CTNNA3: variants seen among roughly 807,000 people sequenced by gnomAD.
CTNNA3 encodes catenin alpha-3.
Under a neutral mutation model 95.7 loss-of-function variants are expected in CTNNA3, and 76 were observed. The ratio of observed to expected loss-of-function variants is 0.79; its 90% CI spans 0.66 to 0.96. CTNNA3 has a LOEUF of 0.96. Ranked by LOEUF, CTNNA3 falls within the 40% of genes least tolerant of loss-of-function variation. CTNNA3 has a pLI of 0.00. For missense variants in CTNNA3, 1,191 were observed against 1,089.8 expected, an observed-to-expected ratio of 1.09 and a Z score of -1.31; for synonymous variants, 431 against 374.4, an observed-to-expected ratio of 1.15 and a Z score of -1.74.
chr10:66,771,379 C>T (rs998923490), intron 8 of CTNNA3, among the ~76,000 whole-genome samples: 6 of 152,034 alleles, frequency 3.9e-5, no homozygotes, highest in African/African-American at 1.4e-4. Context: ...AAGTCTTCCT[C>T]CTTTTACTGA....
chr10:66,323,123 C>T (rs115710084), intron 12 of CTNNA3, among the ~76,000 whole-genome samples: 1,723 of 151,950 alleles, frequency 0.011, 29 homozygotes, highest in African/African-American at 0.04. Flanking sequence ...GACCACATTA[C>T]GGGGTCCCTT....
chr10:66,720,488 C>A (rs895970614), intron 9 of CTNNA3, among the ~76,000 whole-genome samples: 1 of 152,134 alleles, frequency 6.6e-6, no homozygotes, highest in Non-Finnish European at 1.5e-5. Flanking sequence ...TAGAGGAAGA[C>A]CCTTCTCTCT....
intron 5 of CTNNA3, among the ~76,000 whole-genome samples, chr10:67,293,644 T>C (rs1359254965): frequency 6.6e-6 from 1 of 150,806 alleles, no homozygotes; most frequent in Admixed American, 6.6e-5. Context: ...ATTAGGTATA[T>C]CTCCTAATGC....
chr10:67,580,464 T>G (rs1255691083), intron 3 of CTNNA3, among the ~76,000 whole-genome samples: 1 of 151,746 alleles, frequency 6.6e-6, no homozygotes, highest in East Asian at 1.9e-4. Flanking sequence ...ACTGTAGCCT[T>G]GTAATATAGT....
chr10:66,073,383 C>G (rs1287628622), intron 14 of CTNNA3, among the ~76,000 whole-genome samples: 3 of 152,134 alleles, frequency 2.0e-5, no homozygotes, highest in Non-Finnish European at 4.4e-5. Context: ...TGACTTCAGC[C>G]ATCACTGCTA....
intron 7 of CTNNA3, among the ~76,000 whole-genome samples, chr10:66,947,884 C>A (rs1456686509): frequency 6.6e-6 from 1 of 152,144 alleles, no homozygotes; most frequent in African/African-American, 2.4e-5. Context: ...GCAATTTTGT[C>A]ATTGTGCGAA....
intron 5 of CTNNA3, among the ~76,000 whole-genome samples, chr10:67,296,933 T>TC (rs1840058657): frequency 3.6e-5 from 1 of 27,842 alleles, no homozygotes; most frequent in South Asian, 1.7e-3. Context: ...AAACGCTGTC[T>TC]CAAAAAAAAA....
rs1252875789 is a variant in CTNNA3, at chr10:67,272,893, GATAA to G, written c.580-53027_580-53024del. Among the ~76,000 whole-genome samples, 3 of 152,106 alleles carry G rather than the reference GATAA, an allele frequency of 2.0e-5. No individual in the cohort carries two copies. In the East Asian group the frequency reaches 5.8e-4, roughly 29 times the overall value. The stretch of plus-strand genomic sequence containing the variant: ...ATCCCACAACACAATACCACTACTT[GATAA>G]ATAATTATTTATCACTCATCTGTCA... On this transcript the variant is annotated intron_variant, in intron 5 of 17. Transcript: ENST00000433211.
At chr10:67,612,857 AATCT>A (rs934764053) in intron 2 of CTNNA3, among the ~76,000 whole-genome samples, 1 of 152,120 alleles carries the variant, frequency 6.6e-6, no homozygotes, top group African/African-American at 2.4e-5. Context: ...CCCATTCACC[AATCT>A]ATCATTATGA....
intron 12 of CTNNA3, among the ~76,000 whole-genome samples, chr10:66,353,026 T>C (rs2092578956): frequency 6.6e-6 from 1 of 152,016 alleles, no homozygotes; most frequent in South Asian, 2.1e-4. Flanking sequence ...TATGTAATCT[T>C]TCATGTATGA....
At chr10:67,364,907 A>G (rs1257957949) in intron 5 of CTNNA3, among the ~76,000 whole-genome samples, 1 of 152,136 alleles carries the variant, frequency 6.6e-6, no homozygotes, top group Non-Finnish European at 1.5e-5. Context: ...AAAAGAGCCC[A>G]CATAGCCAAG....
rs564582480 is a variant in CTNNA3, at chr10:67,278,821, C to T, written c.580-58951G>A. 3.9e-5 allele frequency among the ~76,000 whole-genome samples: 6 copies of T among 152,140 alleles called. No homozygotes were observed. In the South Asian group the frequency reaches 1.2e-3, roughly 32 times the overall value. On this transcript the variant is annotated intron_variant, in intron 5 of 17. Coordinates refer to ENST00000433211, the MANE Select transcript of CTNNA3 (RefSeq NM_013266.4). ...TGGGGTAAAACATTTTGATTTTTTC[C>T]CTTCTTATCCTATAGTCAGATTGGA...
chr10:66,114,922 A>G (rs909294217), intron 13 of CTNNA3, among the ~76,000 whole-genome samples: 6 of 151,972 alleles, frequency 3.9e-5, no homozygotes, highest in African/African-American at 1.4e-4. Flanking sequence ...ATATATCAAC[A>G]TATTTTATTA....
chr10:66,840,186 G>T (rs1331631486), intron 7 of CTNNA3, among the ~76,000 whole-genome samples: 1 of 152,104 alleles, frequency 6.6e-6, no homozygotes, highest in Admixed American at 6.6e-5. Context: ...AATGATCCCA[G>T]ATCAGAGTAG....
At chr10:67,577,414 T>A (rs1168314933) in intron 3 of CTNNA3, among the ~76,000 whole-genome samples, 1 of 152,190 alleles carries the variant, frequency 6.6e-6, no homozygotes, top group African/African-American at 2.4e-5. Flanking sequence ...TCCTTGTAGA[T>A]TCTGGATATT....
chr10:66,463,375 A>C (rs1054917013), intron 11 of CTNNA3, among the ~76,000 whole-genome samples: 22 of 152,274 alleles, frequency 1.4e-4, no homozygotes, highest in African/African-American at 5.3e-4. Flanking sequence ...AAGTGGGGGC[A>C]GCCTGAGGCC....
chr10:66,686,581 C>T (rs1847305863), intron 9 of CTNNA3, among the ~76,000 whole-genome samples: 1 of 152,166 alleles, frequency 6.6e-6, no homozygotes, highest in Non-Finnish European at 1.5e-5. Flanking sequence ...TTGCTTTGAT[C>T]AGGCTATAGG....
At chr10:66,823,933 G>T (rs181999766) in intron 7 of CTNNA3, among the ~76,000 whole-genome samples, 26 of 152,010 alleles carry the variant, frequency 1.7e-4, no homozygotes, top group African/African-American at 5.3e-4. Context: ...GGGTCTTAAA[G>T]CTCAGATTGA....
chr10:66,029,676 T>G (rs2079412156), intron 15 of CTNNA3, among the ~76,000 whole-genome samples: 1 of 152,182 alleles, frequency 6.6e-6, no homozygotes, highest in African/African-American at 2.4e-5. Context: ...ATTATTTGTC[T>G]CTGTTCAATG....
Sources: gnomAD v4.1 joint callset for allele counts (sites outside exome capture counted in the v4.1 genomes callset) on GRCh38, gnomAD v4.1.1 for gene constraint, MANE v1.5 for transcripts, NCBI Gene and HGNC (gene_info 2026-07-23, HGNC 2026-07-21) for gene names.